DIS3L2: variants seen among roughly 807,000 people sequenced by gnomAD.
DIS3L2 encodes the protein DIS3-like exonuclease 2.
A neutral mutation model predicts 97.5 loss-of-function variants in DIS3L2; 34 were observed. The ratio of observed to expected loss-of-function variants is 0.35; its 90% CI spans 0.27 to 0.46. DIS3L2 has a LOEUF of 0.46. Among genes scored for constraint, DIS3L2 ranks in the 20% least tolerant of loss-of-function variants. The pLI is 1.00. For missense variants in DIS3L2, 1,038 were observed against 1,146.0 expected, an observed-to-expected ratio of 0.91 and a Z score of 1.36; for synonymous variants, 435 against 445.2, an observed-to-expected ratio of 0.98 and a Z score of 0.29.
At chr2:232,084,004 A>G (rs976271092) in intron 5 of DIS3L2, among the ~76,000 whole-genome samples, 1 of 152,226 alleles carries the variant, frequency 6.6e-6, no homozygotes, top group African/African-American at 2.4e-5. Context: ...CTGCTCTGAC[A>G]GTACCCAAGG....
chr2:232,181,610 C>T, intron 9 of DIS3L2, among the ~76,000 whole-genome samples: 1 of 151,910 alleles, frequency 6.6e-6, no homozygotes, highest in Non-Finnish European at 1.5e-5. Context: ...TCGCATCGGC[C>T]ACCATGCCCG....
intron 5 of DIS3L2, among the ~76,000 whole-genome samples, chr2:232,079,934 G>A (rs1190234436): frequency 1.3e-5 from 2 of 152,188 alleles, no homozygotes; most frequent in Admixed American, 6.5e-5. Context: ...GTCTTGATAA[G>A]GCCTTGTAGC....
chr2:232,236,779 C>T (rs1346106290), intron 10 of DIS3L2, among the ~76,000 whole-genome samples: 1 of 152,104 alleles, frequency 6.6e-6, no homozygotes, highest in East Asian at 1.9e-4. Context: ...CGAGACAAAG[C>T]CTTGCTCTGT....
intron 14 of DIS3L2, among the ~76,000 whole-genome samples, chr2:232,324,855 T>C (rs1421988161): frequency 6.6e-6 from 1 of 152,118 alleles, no homozygotes; most frequent in Non-Finnish European, 1.5e-5. Flanking sequence ...AAGAAGCAAG[T>C]GAGTGGTAGG....
intron 9 of DIS3L2, among the ~76,000 whole-genome samples, chr2:232,167,701 A>T (rs112706888): frequency 0.015 from 2,342 of 152,240 alleles, 65 homozygotes; most frequent in African/African-American, 0.054. Flanking sequence ...TTTTTAGATT[A>T]AAAAAATAGA....
intron 6 of DIS3L2, among the ~76,000 whole-genome samples, chr2:232,110,143 A>G (rs373603392): frequency 6.6e-6 from 1 of 152,328 alleles, no homozygotes; most frequent in Non-Finnish European, 1.5e-5. Flanking sequence ...AATCAGAACC[A>G]CAATGAGATA....
chr2:232,188,081 A>G (rs1313043899), intron 9 of DIS3L2, among the ~76,000 whole-genome samples: 1 of 152,134 alleles, frequency 6.6e-6, no homozygotes, highest in Non-Finnish European at 1.5e-5. Context: ...CGGAGGTTGC[A>G]ATGAGCTGAG....
At chr2:232,114,803 G>A (rs1697650577) in intron 6 of DIS3L2, among the ~76,000 whole-genome samples, 2 of 152,212 alleles carry the variant, frequency 1.3e-5, no homozygotes, top group African/African-American at 2.4e-5. Flanking sequence ...ATCTGGAAGT[G>A]TCTTAGTCTG....
rs116511693 is a variant in DIS3L2, at chr2:232,187,060, C to T, written c.1125-23266C>T. 5.4e-3 allele frequency among the ~76,000 whole-genome samples: 823 copies of T among 152,104 alleles called. 3 individuals carry two copies. The highest frequency in any genetic ancestry group is 9.3e-3 in the African/African-American group (388 of 41,508). ...TATGTAGGTTAATATATCTAGAATA[C>T]ATAAAGAACTCCTACAACTTAACAA... is the stretch of plus-strand genomic sequence containing the variant. On this transcript the variant is annotated intron_variant, in intron 9 of 20. Coordinates refer to ENST00000325385, the MANE Select transcript of DIS3L2 (RefSeq NM_152383.5).
chr2:231,973,491 A>G (rs1170325263), intron 1 of DIS3L2, among the ~76,000 whole-genome samples: 3 of 152,256 alleles, frequency 2.0e-5, no homozygotes, highest in Non-Finnish European at 4.4e-5. Flanking sequence ...GTAATAAAAT[A>G]TGGGAAGACC....
At chr2:232,154,777 C>T (rs1052294854) in intron 8 of DIS3L2, among the ~76,000 whole-genome samples, 13 of 147,698 alleles carry the variant, frequency 8.8e-5, no homozygotes, top group Admixed American at 1.4e-4. Context: ...CAAGCCTGGG[C>T]AATGGCGGGC....
At chr2:232,158,756 G>A (rs567261630) in intron 8 of DIS3L2, among the ~76,000 whole-genome samples, 9 of 152,234 alleles carry the variant, frequency 5.9e-5, no homozygotes, top group Non-Finnish European at 1.2e-4. Flanking sequence ...GGAGACGAAT[G>A]TAGGAAACAG....
intron 9 of DIS3L2, among the ~76,000 whole-genome samples, chr2:232,196,374 A>G (rs1171793996): frequency 6.6e-6 from 1 of 152,090 alleles, no homozygotes; most frequent in African/African-American, 2.4e-5. Flanking sequence ...CTAAACTGAG[A>G]CTCTAGTAAA....
chr2:232,147,395 A>T (rs1189297786), intron 8 of DIS3L2, among the ~76,000 whole-genome samples: 3 of 152,152 alleles, frequency 2.0e-5, no homozygotes, highest in Non-Finnish European at 4.4e-5. Context: ...ACCAATATTG[A>T]TACATTATTA....
chr2:232,183,698 A>G (rs868135481), intron 9 of DIS3L2, among the ~76,000 whole-genome samples: 1 of 152,188 alleles, frequency 6.6e-6, no homozygotes. Context: ...GCTCACTGTT[A>G]TCACCATCTC....
At chr2:232,249,017 A>G (rs1693342496) in intron 11 of DIS3L2, among the ~76,000 whole-genome samples, 1 of 152,188 alleles carries the variant, frequency 6.6e-6, no homozygotes, top group African/African-American at 2.4e-5. Flanking sequence ...GTCTTCCCTT[A>G]CCAGTTCTCC....
At chr2:232,315,738 G>A (rs1026703698) in intron 14 of DIS3L2, among the ~76,000 whole-genome samples, 22 of 152,278 alleles carry the variant, frequency 1.4e-4, no homozygotes, top group South Asian at 2.1e-4. Flanking sequence ...ACACAGCTGC[G>A]AAAAGATTTC....
At chr2:232,121,016 A>G (rs968892359) in intron 6 of DIS3L2, among the ~76,000 whole-genome samples, 4 of 152,076 alleles carry the variant, frequency 2.6e-5, no homozygotes, top group African/African-American at 9.7e-5. Context: ...ATAAAATATT[A>G]AAAGCCATGT....
At chr2:232,145,260 C>G (rs1690186325) in intron 8 of DIS3L2, among the ~76,000 whole-genome samples, 1 of 152,068 alleles carries the variant, frequency 6.6e-6, no homozygotes, top group Admixed American at 6.6e-5. Context: ...GTTGTCTTTT[C>G]CTGTTATTAA....
Sources: allele counts gnomAD v4.1 joint callset (sites outside exome capture counted in the v4.1 genomes callset), GRCh38; gene constraint gnomAD v4.1.1; transcripts MANE v1.5; gene names NCBI Gene and HGNC (gene_info 2026-07-23, HGNC 2026-07-21).